Variants in PRELID2 observed in about 807,000 individuals in gnomAD.
PRELID2 encodes PRELI domain containing 2, also known as PRELI domain-containing protein 2.
Under a neutral mutation model 28.4 loss-of-function variants are expected in PRELID2, and 25 were observed. The observed-to-expected ratio is 0.88, with a 90% CI of 0.64 to 1.23. PRELID2 has a LOEUF of 1.23. PRELID2 is among the 50% of genes most tolerant of loss of function. PRELID2 has a pLI of 0.00. For synonymous variants in PRELID2, 76 were observed against 71.6 expected, an observed-to-expected ratio of 1.06 and a Z score of -0.31; for missense variants, 201 against 214.4, an observed-to-expected ratio of 0.94 and a Z score of 0.39.
At chr5:145,264,592 A>T in the PRELID2 span, among the ~76,000 whole-genome samples, 11 of 152,124 alleles carry the variant, frequency 7.2e-5, no homozygotes, top group Non-Finnish European at 1.5e-4. Flanking sequence ...CAGGACAAGG[A>T]TGCCCACCTT....
intron 1 of PRELID2, among the ~76,000 whole-genome samples, chr5:145,691,852 C>T (rs1009717670): frequency 6.6e-6 from 1 of 152,118 alleles, no homozygotes; most frequent in East Asian, 1.9e-4. Context: ...TTCTCTAGCA[C>T]CTCAGGATCC....
the PRELID2 span, among the ~76,000 whole-genome samples, chr5:145,369,294 C>A: frequency 6.6e-6 from 1 of 152,030 alleles, no homozygotes; most frequent in Non-Finnish European, 1.5e-5. Context: ...ACCCAACAGG[C>A]CCTGGTGTGT....
chr5:145,317,674 T>C, the PRELID2 span, among the ~76,000 whole-genome samples: 1 of 152,226 alleles, frequency 6.6e-6, no homozygotes, highest in Non-Finnish European at 1.5e-5. Context: ...TTCCCCATCA[T>C]GGCTAAATCT....
intron 5 of PRELID2, among the ~76,000 whole-genome samples, chr5:145,794,894 T>C (rs1337776460): frequency 6.6e-6 from 1 of 152,090 alleles, no homozygotes; most frequent in Non-Finnish European, 1.5e-5. Context: ...GGGTTAGCTA[T>C]ACCCTACAAG....
chr5:145,704,819 C>T (rs375934098), intron 1 of PRELID2, among the ~76,000 whole-genome samples: 81 of 152,244 alleles, frequency 5.3e-4, no homozygotes, highest in Middle Eastern at 3.4e-3. Context: ...ACCAGTAAAA[C>T]AGAGAATTGG....
the PRELID2 span, among the ~76,000 whole-genome samples, chr5:145,298,199 A>G: frequency 6.6e-6 from 1 of 152,192 alleles, no homozygotes; most frequent in Non-Finnish European, 1.5e-5. Flanking sequence ...TGGAGGCATC[A>G]TGCTACCTGA....
chr5:145,467,967 G>T (rs1042580020), downstream of PRELID2, among the ~76,000 whole-genome samples: 1 of 151,696 alleles, frequency 6.6e-6, no homozygotes, highest in Non-Finnish European at 1.5e-5. Flanking sequence ...TGCACAATGT[G>T]CAGGTTTGTT....
intron 1 of PRELID2, among the ~76,000 whole-genome samples, chr5:145,521,820 C>G (rs542770559): frequency 2.0e-5 from 3 of 152,280 alleles, no homozygotes; most frequent in Admixed American, 1.3e-4. Flanking sequence ...CAATCCTCCT[C>G]TCTCTGAAAC....
chr5:145,824,012 C>T (rs1206372853), intron 1 of PRELID2, among the ~76,000 whole-genome samples: 2 of 152,064 alleles, frequency 1.3e-5, no homozygotes, highest in Admixed American at 6.6e-5. Context: ...AATTTACCCC[C>T]GATACTTTCT....
chr5:145,420,280 T>A, the PRELID2 span, among the ~76,000 whole-genome samples: 1 of 152,258 alleles, frequency 6.6e-6, no homozygotes, highest in Admixed American at 6.5e-5. Context: ...AAGTCATTGG[T>A]AGCTTGATGG....
intron 1 of PRELID2, among the ~76,000 whole-genome samples, chr5:145,616,939 C>T (rs375925189): frequency 5.9e-5 from 9 of 152,240 alleles, no homozygotes; most frequent in East Asian, 3.9e-4. Flanking sequence ...CCCCCCGAAG[C>T]GGCCATTTTA....
chr5:145,818,157 T>A, intron 3 of PRELID2, 103 bp from the exon 4 acceptor site: 2 of 1,171,018 alleles, frequency 1.7e-6, no homozygotes, highest in Non-Finnish European at 2.4e-6. Context: ...AGAGGACAAG[T>A]AATCCTGATA....
At chr5:145,753,971 C>T (rs1251651610), downstream of PRELID2, among the ~76,000 whole-genome samples, 2 of 152,094 alleles carry the variant, frequency 1.3e-5, no homozygotes, top group African/African-American at 2.4e-5. Context: ...TTCTCGGGCT[C>T]GCAGGACTAG....
chr5:145,292,990 G>A, the PRELID2 span, among the ~76,000 whole-genome samples: 1 of 151,858 alleles, frequency 6.6e-6, no homozygotes, highest in African/African-American at 2.4e-5. Flanking sequence ...TAAAGTGCTG[G>A]GATTACAGGT....
chr5:145,503,193 T>G (rs1299601199), intron 1 of PRELID2, among the ~76,000 whole-genome samples: 1 of 152,094 alleles, frequency 6.6e-6, no homozygotes, highest in Non-Finnish European at 1.5e-5. Flanking sequence ...GAAAGCTCCA[T>G]GAGGAGTGAT....
intron 1 of PRELID2, among the ~76,000 whole-genome samples, chr5:145,823,956 T>C (rs1342666910): frequency 6.6e-6 from 1 of 152,176 alleles, no homozygotes; most frequent in African/African-American, 2.4e-5. Flanking sequence ...TTAGATAATT[T>C]GCTCAAATTG....
the PRELID2 span, among the ~76,000 whole-genome samples, chr5:145,279,197 T>A: frequency 6.6e-6 from 1 of 152,210 alleles, no homozygotes; most frequent in Non-Finnish European, 1.5e-5. Flanking sequence ...TTGCTTTCAA[T>A]GGCAAAAACT....
the PRELID2 span, among the ~76,000 whole-genome samples, chr5:145,230,876 G>A: frequency 1.3e-5 from 2 of 152,156 alleles, no homozygotes; most frequent in Non-Finnish European, 2.9e-5. Context: ...GTGGCAGGCC[G>A]CAGTTTCTTA....
At chr5:145,529,048 G>A (rs1430027621) in intron 1 of PRELID2, among the ~76,000 whole-genome samples, 1 of 152,320 alleles carries the variant, frequency 6.6e-6, no homozygotes, top group East Asian at 1.9e-4. Context: ...AGGTCCCACA[G>A]TTGGATTAAT....
Sources: allele counts gnomAD v4.1 joint callset (sites outside exome capture counted in the v4.1 genomes callset), GRCh38; gene constraint gnomAD v4.1.1; transcripts MANE v1.5; gene names NCBI Gene and HGNC (gene_info 2026-07-23, HGNC 2026-07-21).